Variants in AKAP17A observed in about 807,000 individuals in gnomAD.
AKAP17A encodes the protein A-kinase anchoring protein 17A, also known as A-kinase anchor protein 17A.
AKAP17A carries 15 observed loss-of-function variants against 52.2 expected under a neutral mutation model. That is an observed-to-expected ratio of 0.29 (90% CI 0.19 to 0.44). The LOEUF (loss-of-function observed/expected upper bound fraction) is 0.44. Among genes scored for constraint, AKAP17A ranks in the 20% least tolerant of loss-of-function variants. The pLI, the probability that AKAP17A is intolerant of heterozygous loss-of-function variation, is 1.00. For synonymous variants in AKAP17A, 514 were observed against 424.7 expected, an observed-to-expected ratio of 1.21 and a Z score of -2.58; for missense variants, 1,060 against 1,007.0, an observed-to-expected ratio of 1.05 and a Z score of -0.71.
chrX:1,593,804 G>A lies in AKAP17A; in HGVS notation c.342G>A (p.Ala114=), dbSNP rs139719905. The A allele has an allele frequency of 3.0e-5, 49 of 1,613,012 alleles. No individual in the cohort carries two copies. Among genetic ancestry groups the A allele is most frequent in the African/African-American group, 1.3e-4 (10 of 74,908 alleles). The change falls in exon 2 of 5, where the codon GCG becomes GCA. Residue 114 remains alanine (A), a synonymous_variant. Transcript: ENST00000313871. ...TCTCCGACATCCTGAAGGTGCGCGC[G>A]GCCGAGTTCAAGATCGACTTCCCCA... is the stretch of plus-strand genomic sequence containing the variant. ...SGFSDILKVR[A]AEFKIDFPTR...
In AKAP17A at chrX:1,595,122, A is replaced by G. The variant is rs746704797; in HGVS notation, c.763-262A>G. On this transcript the variant is annotated intron_variant, in intron 2 of 4. Transcript: ENST00000313871. ...TGTCACTTGTGTTCAGTAAGTGGCG[A>G]GGGCTAGTTGGTGTTCCTCGCTGAG... Among the ~76,000 whole-genome samples the G allele has an allele frequency of 1.2e-3, 187 of 152,310 alleles. 1 individual carries two copies. Among genetic ancestry groups the G allele is most frequent in the Middle Eastern group, 6.8e-3 (2 of 294 alleles).
intron 1 of AKAP17A, 40 bp downstream of exon 1, chrX:1,591,809 C>G (rs745648089): frequency 1.4e-5 from 2 of 147,042 alleles, no homozygotes; most frequent in African/African-American, 2.5e-5. Context: ...TGGCTGCAGC[C>G]GGCGAACGCT....
rs1286132723 is a variant in AKAP17A, at chrX:1,600,619, T to C, written c.1153-40T>C. 4.7e-6 allele frequency: 7 copies of C among 1,489,768 alleles called. No homozygotes were observed. In the East Asian group the frequency reaches 1.7e-4, roughly 37 times the overall value. The allele number at this position is 1,489,768 out of a possible 1,614,324, so 92.3% of individuals were successfully genotyped here. A position where few individuals can be genotyped will look rare whatever the true frequency, so the allele number is the denominator to read the frequency against. On this transcript the variant is annotated intron_variant, in intron 4 of 4. Coordinates refer to ENST00000313871, the MANE Select transcript of AKAP17A (RefSeq NM_005088.3). ...TCCTGTCCCACGTGTCCGGCCAGGCTCAGGAACCGGGCTCAGCTGCACTTT... is the reference window on the plus strand; with the variant it reads ...TCCTGTCCCACGTGTCCGGCCAGGCCCAGGAACCGGGCTCAGCTGCACTTT...
Position 1,593,881 on chromosome X carries a change from C to A in AKAP17A, c.419C>A (p.Thr140Asn), listed in dbSNP as rs1309018515. ...CGCGACGCCAAGGACATGAACGAGA[C>A]CCTGCCGGGGGAGCGGCCGGACACC... ...FFRDAKDMNE[T>N]LPGERPDTIH... The change falls in exon 2 of 5, where the codon ACC becomes AAC. Residue 140 changes from threonine (T) to asparagine (N), a missense_variant. Thr to Asn is a moderately conservative substitution (Grantham distance 65). This residue lies in a region of AKAP17A where 267 missense variants were observed against 377.1 expected (regional missense o/e 0.71). Transcript: ENST00000313871. The A allele has an allele frequency of 6.2e-6, 10 of 1,612,474 alleles. No homozygotes were observed. The highest frequency in any genetic ancestry group is 2.2e-5 in the South Asian group (2 of 90,910).
At position 1,594,061 on chromosome X, in the gene AKAP17A, C is replaced by A; in HGVS notation, c.599C>A (p.Thr200Lys). Residue 200 changes from threonine (T) to lysine (K), a missense_variant, in exon 2 of 5, where the codon ACG becomes AAG. Transcript: ENST00000313871. The part of the protein sequence containing the change: ...PMLDPYREEM[T>K]GRNFHTFSFG... The stretch of plus-strand genomic sequence containing the variant: ...CTGGACCCCTACCGGGAGGAGATGA[C>A]GGGCCGCAACTTCCACACCTTCAGT... 1.2e-6 allele frequency: 2 copies of A among 1,612,964 alleles called. No homozygotes were observed. The highest frequency in any genetic ancestry group is 1.7e-6 in the Non-Finnish European group (2 of 1,179,430).
chrX:1,595,813 G>A (rs1257828093), intron 3 of AKAP17A, among the ~76,000 whole-genome samples: 1 of 152,010 alleles, frequency 6.6e-6, no homozygotes, highest in Non-Finnish European at 1.5e-5. Context: ...ACCTGTGTGT[G>A]TATGTGCACG....
In AKAP17A at chrX:1,601,472, C is replaced by T. The variant is rs771781177; in HGVS notation, c.1966C>T (p.Arg656Trp). ...SRRSHSKDRHRRERSRERRGS... is the reference protein window; with the variant it reads ...SRRSHSKDRHWRERSRERRGS... The stretch of plus-strand genomic sequence containing the variant: ...GAGGTCCCACAGCAAAGACAGGCAC[C>T]GGAGGGAGCGGAGCCGGGAGCGGAG... The change falls in exon 5 of 5, where the codon CGG becomes TGG. Residue 656 changes from arginine to tryptophan, a missense_variant. Coordinates refer to ENST00000313871, the MANE Select transcript of AKAP17A (RefSeq NM_005088.3). The T allele has an allele frequency of 1.5e-4, 234 of 1,567,912 alleles. No homozygotes were observed. Among genetic ancestry groups the T allele is most frequent in the Non-Finnish European group, 1.9e-4 (216 of 1,165,136 alleles).
chrX:1,599,782 T>C, intron 4 of AKAP17A: 2 of 604,504 alleles, frequency 3.3e-6, no homozygotes, highest in Non-Finnish European at 2.9e-6. Context: ...CGCGCCTCTG[T>C]GTGTGGTCAG....
In AKAP17A at chrX:1,600,769, G is replaced by C. The variant is rs1933318433; in HGVS notation, c.1263G>C (p.Lys421Asn). The change falls in exon 5 of 5, where the codon AAG (lysine) becomes AAC (asparagine). Residue 421 changes from lysine to asparagine, a missense_variant. Transcript: ENST00000313871. ...EAELRRVEEE[K>N]ERALGLQRKE... ...AGCTGCGGCGCGTGGAGGAGGAGAA[G>C]GAGCGCGCGCTGGGCCTGCAGCGGA... The C allele has an allele frequency of 6.4e-7, 1 of 1,569,614 alleles. No homozygotes were observed. Among genetic ancestry groups the C allele is most frequent in the Non-Finnish European group, 8.6e-7 (1 of 1,162,554 alleles).
chrX:1,595,517 A>G lies in AKAP17A; in HGVS notation c.896A>G (p.Gln299Arg). Residue 299 changes from glutamine (Q) to arginine (R), a missense_variant, in exon 3 of 5, where the codon CAG becomes CGG. By Grantham distance (43) the Gln-to-Arg change is conservative (BLOSUM62 1). Transcript: ENST00000313871. ...KRREKEAEERQRAEERKQKEL... is the reference protein window; with the variant it reads ...KRREKEAEERRRAEERKQKEL... ...AGAGAGAAGGAAGCGGAGGAGAGGC[A>G]GCGAGCGGAGGAAAGGTACCTTCTG... 1 of 1,613,924 alleles carries G rather than the reference A, an allele frequency of 6.2e-7. No individual in the cohort carries two copies. The highest frequency in any genetic ancestry group is 8.5e-7 in the Non-Finnish European group (1 of 1,179,872).
chrX:1,593,754 G>T lies in AKAP17A; in HGVS notation c.292G>T (p.Gly98Cys). 1.2e-6 allele frequency: 2 copies of T among 1,613,932 alleles called. No homozygotes were observed. Among genetic ancestry groups the T allele is most frequent in the Non-Finnish European group, 1.7e-6 (2 of 1,179,868 alleles). The change falls in exon 2 of 5, where the codon GGC becomes TGC. Residue 98 changes from glycine to cysteine, a missense_variant. Gly to Cys is a radical substitution (Grantham distance 159, BLOSUM62 -3). This residue lies in a region of AKAP17A where 267 missense variants were observed against 377.1 expected (regional missense o/e 0.71). Coordinates refer to ENST00000313871, the MANE Select transcript of AKAP17A (RefSeq NM_005088.3). ...CAAGTCTTTTCTGGCCTGCCTGGAC[G>T]GCAAGACCATCAAGCTCAGCGGCTT... is the stretch of plus-strand genomic sequence containing the variant. ...LVKSFLACLDGKTIKLSGFSD... is the reference protein window; with the variant it reads ...LVKSFLACLDCKTIKLSGFSD...
At chrX:1,594,288 T>A in intron 2 of AKAP17A, 64 bp downstream of exon 2, 2 of 1,485,854 alleles carry the variant, frequency 1.3e-6, no homozygotes, top group Admixed American at 4.8e-5. Context: ...TCCAGCAGGG[T>A]CAGCAGAACG....
At chrX:1,592,608 C>T (rs1204827712) in intron 1 of AKAP17A, among the ~76,000 whole-genome samples, 1 of 152,050 alleles carries the variant, frequency 6.6e-6, no homozygotes, top group Non-Finnish European at 1.5e-5. Context: ...CGGGCTTGGG[C>T]GAGGAGGCCG....
At chrX:1,598,587 T>G (rs1326056168) in intron 3 of AKAP17A, among the ~76,000 whole-genome samples, 11 of 152,220 alleles carry the variant, frequency 7.2e-5, no homozygotes, top group African/African-American at 2.4e-4. Flanking sequence ...CCCCACTGTC[T>G]CTTGTGGACT....
intron 3 of AKAP17A, among the ~76,000 whole-genome samples, chrX:1,596,279 C>G (rs1932974821): frequency 6.6e-6 from 1 of 151,198 alleles, no homozygotes; most frequent in African/African-American, 2.4e-5. Context: ...CCCGGTTTCA[C>G]ATAAGAGGCC....
chrX:1,599,015 C>T (rs1479092521), intron 3 of AKAP17A, among the ~76,000 whole-genome samples, 177 bp from the exon 4 acceptor site: 1 of 152,208 alleles, frequency 6.6e-6, no homozygotes, highest in African/African-American at 2.4e-5. Context: ...TCGCCCGGCT[C>T]ACTCCTTCCA....
chrX:1,595,320 C>T (rs761063198), intron 2 of AKAP17A, 64 bp from the exon 3 acceptor site: 7 of 1,603,894 alleles, frequency 4.4e-6, no homozygotes, highest in Admixed American at 1.7e-5. Context: ...CAGGAGAGGG[C>T]GCCTGGCCGT....
At chrX:1,593,394 C>CGGG in intron 1 of AKAP17A, 50 bp from the exon 2 acceptor site, 1 of 1,545,324 alleles carries the variant, frequency 6.5e-7, no homozygotes, top group South Asian at 1.2e-5. Context: ...TCCTCATTGG[C>CGGG]GGGGGAGGTG....
At chrX:1,600,131 A>C (rs1246667828) in intron 4 of AKAP17A, 1 of 1,301,898 alleles carries the variant, frequency 7.7e-7, no homozygotes, top group African/African-American at 1.5e-5. Flanking sequence ...CTGTTGTCTG[A>C]TTACAGTTGT....
Sources: gnomAD v4.1 joint callset for allele counts (sites outside exome capture counted in the v4.1 genomes callset) on GRCh38, gnomAD v4.1.1 for gene constraint, gnomAD v4.1.1 regional missense constraint, MANE v1.5 for transcripts, NCBI Gene and HGNC (gene_info 2026-07-23, HGNC 2026-07-21) for gene names.